The following MAGI3 variants were observed in gnomAD, a reference collection of about 807,000 sequenced individuals.
The protein encoded by MAGI3 is membrane-associated guanylate kinase, WW and PDZ domain-containing protein 3.
In MAGI3, 43 loss-of-function variants were observed where a neutral mutation model predicts 121.8. The ratio of observed to expected loss-of-function variants is 0.35; its 90% CI spans 0.28 to 0.46. The LOEUF is 0.46. Ranked by LOEUF, MAGI3 falls within the 20% of genes least tolerant of loss-of-function variation. MAGI3 has a pLI of 1.00. For missense variants in MAGI3, 1,547 were observed against 1,797.3 expected (o/e 0.86, Z 2.52); for synonymous variants, 553 against 639.3 (o/e 0.86, Z 2.04).
At chr1:113,512,855 A>C (rs1657689088) in intron 1 of MAGI3, among the ~76,000 whole-genome samples, 1 of 152,222 alleles carries the variant, frequency 6.6e-6, no homozygotes, top group Admixed American at 6.5e-5. Context: ...TGCAGATGAC[A>C]TGATAGTATA....
chr1:113,410,712 A>G (rs1016986950), intron 1 of MAGI3, among the ~76,000 whole-genome samples: 1 of 152,024 alleles, frequency 6.6e-6, no homozygotes, highest in Non-Finnish European at 1.5e-5. Context: ...ATTGTTAACT[A>G]TACAGGAAAC....
rs559084742 is a variant in MAGI3, at chr1:113,545,402, C to T, written c.317-4113C>T. The stretch of plus-strand genomic sequence containing the variant: ...ATAGTAAAGACATGTTGTATCTTGA[C>T]TTTCGCCAAGTGGTTGACAGTGTTT... On this transcript the variant is annotated intron_variant, in intron 1 of 20. Coordinates refer to ENST00000307546, the MANE Select transcript of MAGI3 (RefSeq NM_001142782.2). Among the ~76,000 whole-genome samples the T allele has an allele frequency of 3.3e-5, 5 of 152,142 alleles. No individual in the cohort carries two copies. The East Asian group carries it at 9.6e-4, about 29-fold the overall frequency.
chr1:113,554,283 A>ATGTG (rs539910651), intron 2 of MAGI3, among the ~76,000 whole-genome samples: 5 of 131,950 alleles, frequency 3.8e-5, no homozygotes, highest in South Asian at 4.5e-4. Context: ...AAATATTCAT[A>ATGTG]TGTGTGTGTG....
chr1:113,590,449 CA>C (rs1285428316), intron 4 of MAGI3, 34 bp from the exon 5 acceptor site: 2 of 1,601,852 alleles, frequency 1.2e-6, no homozygotes, highest in Non-Finnish European at 1.7e-6. Flanking sequence ...TAACTTTACC[CA>C]CTTTTCACAC....
chr1:113,660,934 A>G (rs1408217730), intron 16 of MAGI3, among the ~76,000 whole-genome samples: 1 of 151,986 alleles, frequency 6.6e-6, no homozygotes, highest in Non-Finnish European at 1.5e-5. Context: ...AGGAATGAGT[A>G]AACGAATGAG....
chr1:113,539,293 T>G (rs1659159587), intron 1 of MAGI3, among the ~76,000 whole-genome samples: 2 of 150,748 alleles, frequency 1.3e-5, no homozygotes, highest in African/African-American at 4.9e-5. Context: ...CTCGGGAGGC[T>G]GAGGCAGGAG....
In MAGI3 at chr1:113,391,204, C is replaced by G. The variant is rs550339104; in HGVS notation, c.171C>G (p.Cys57Trp). ...RLREEPGGGTCCVVSGKAPSP... is the reference protein window; with the variant it reads ...RLREEPGGGTWCVVSGKAPSP... ...GCGAGGAGCCCGGCGGGGGCACCTG[C>G]TGCGTCGTCTCGGGCAAGGCGCCCA... Residue 57 changes from cysteine (C) to tryptophan (W), a missense_variant, in exon 1 of 21, where the codon TGC (cysteine) becomes TGG (tryptophan). By Grantham distance (215) the Cys-to-Trp change is radical. Transcript: ENST00000307546. This position sits in a 1 kb window ranked among gnomAD's most constrained non-coding sequence, Gnocchi z 4.4. The G allele has an allele frequency of 1.8e-4, 282 of 1,553,206 alleles. 5 individuals are homozygous for G. In the South Asian group the frequency reaches 3.2e-3, roughly 17 times the overall value.
intron 20 of MAGI3, 100 bp downstream of exon 20, chr1:113,681,436 T>A: frequency 7.7e-7 from 1 of 1,296,692 alleles, no homozygotes; most frequent in Non-Finnish European, 1.1e-6. Flanking sequence ...TTTTACTAGT[T>A]AATTCAGAGG....
At chr1:113,425,787 A>C (rs955271627) in intron 1 of MAGI3, among the ~76,000 whole-genome samples, 1 of 151,864 alleles carries the variant, frequency 6.6e-6, no homozygotes. Flanking sequence ...GGTGATTTGT[A>C]TTTTCTCTAT....
At chr1:113,507,633 A>G (rs1278302657) in intron 1 of MAGI3, among the ~76,000 whole-genome samples, 1 of 151,800 alleles carries the variant, frequency 6.6e-6, no homozygotes, top group Non-Finnish European at 1.5e-5. Context: ...CTTTCAACAG[A>G]TAATGTCTTG....
chr1:113,613,351 C>G (rs1650274645), intron 6 of MAGI3, among the ~76,000 whole-genome samples: 1 of 152,078 alleles, frequency 6.6e-6, no homozygotes, highest in Non-Finnish European at 1.5e-5. Flanking sequence ...AATATATATG[C>G]AGAAAAGTAT....
intron 1 of MAGI3, among the ~76,000 whole-genome samples, chr1:113,483,710 A>G (rs746701692): frequency 1.3e-5 from 2 of 152,218 alleles, no homozygotes; most frequent in African/African-American, 2.4e-5. Context: ...AAGGTATGAA[A>G]TGAATATTGT....
rs191189260 is a variant in MAGI3 at position 113,574,516 on chromosome 1, G to A, written c.434-6026G>A. 2.6e-3 allele frequency among the ~76,000 whole-genome samples: 401 copies of A among 152,156 alleles called. 1 individual carries two copies. The highest frequency in any genetic ancestry group is 8.3e-3 in the African/African-American group (345 of 41,532). Reference sequence around the variant, plus strand: ...TCTTTAAGAATGTTGAATATTGGTCGCCTACTCTCTTCTGGCTTGAAGGGT... The same window carrying A: ...TCTTTAAGAATGTTGAATATTGGTCACCTACTCTCTTCTGGCTTGAAGGGT... On this transcript the variant is annotated intron_variant, in intron 2 of 20. Coordinates refer to ENST00000307546, the MANE Select transcript of MAGI3 (RefSeq NM_001142782.2).
At chr1:113,450,427 G>T in intron 1 of MAGI3, 1 of 1,137,206 alleles carries the variant, frequency 8.8e-7, no homozygotes, top group South Asian at 1.2e-5. Context: ...GGCAACTATG[G>T]TGTGGTCCTG....
At chr1:113,585,275 A>T in intron 3 of MAGI3, 112 bp from the exon 4 acceptor site, 1 of 942,984 alleles carries the variant, frequency 1.1e-6, no homozygotes, top group Non-Finnish European at 1.6e-6. Flanking sequence ...CCCCTATGGT[A>T]GATATTTCAA....
intron 9 of MAGI3, among the ~76,000 whole-genome samples, chr1:113,632,766 A>G (rs1278684361): frequency 6.6e-6 from 1 of 152,206 alleles, no homozygotes; most frequent in Non-Finnish European, 1.5e-5. Context: ...AAATTGCTGG[A>G]AAAAGAAGGA....
chr1:113,427,015 A>G (rs1220657212), intron 1 of MAGI3, among the ~76,000 whole-genome samples: 1 of 151,962 alleles, frequency 6.6e-6, no homozygotes, highest in Non-Finnish European at 1.5e-5. Flanking sequence ...ATATTTGTGT[A>G]TGTATACATA....
chr1:113,611,219 T>C (rs1650113423), intron 6 of MAGI3, among the ~76,000 whole-genome samples: 1 of 151,896 alleles, frequency 6.6e-6, no homozygotes, highest in Non-Finnish European at 1.5e-5. Flanking sequence ...CCTGAGTAGC[T>C]GAGATTACAG....
At chr1:113,604,075 G>A (rs976306983) in intron 6 of MAGI3, among the ~76,000 whole-genome samples, 1 of 152,170 alleles carries the variant, frequency 6.6e-6, no homozygotes, top group African/African-American at 2.4e-5. Flanking sequence ...ACAGTATGGA[G>A]CATTCTTAAA....
Sources: allele counts gnomAD v4.1 joint callset (sites outside exome capture counted in the v4.1 genomes callset), GRCh38; gene constraint gnomAD v4.1.1; non-coding constraint Gnocchi (gnomAD v3.1); transcripts MANE v1.5; gene names NCBI Gene and HGNC (gene_info 2026-07-23, HGNC 2026-07-21).